The following CA10 variants were observed in gnomAD, a reference collection of about 807,000 sequenced individuals.
The protein encoded by CA10 is carbonic anhydrase-related protein 10.
In CA10, 14 loss-of-function variants were observed where a neutral mutation model predicts 44.2. The ratio of observed to expected loss-of-function variants is 0.32; its 90% CI spans 0.21 to 0.50. The LOEUF is 0.50. Among genes scored for constraint, CA10 ranks in the 20% least tolerant of loss-of-function variants. CA10 has a pLI of 0.99. For missense variants in CA10, 350 were observed against 409.7 expected (o/e 0.85, Z 1.26); for synonymous variants, 159 against 141.6 (o/e 1.12, Z -0.87).
At chr17:51,950,211 G>A (rs1246959366) in intron 2 of CA10, among the ~76,000 whole-genome samples, 1 of 152,096 alleles carries the variant, frequency 6.6e-6, no homozygotes, top group Non-Finnish European at 1.5e-5. Flanking sequence ...CTGCTCAAAG[G>A]TCAATCTCAG....
chr17:52,113,273 GA>G (rs1439792854), intron 1 of CA10, among the ~76,000 whole-genome samples: 3 of 152,128 alleles, frequency 2.0e-5, no homozygotes, highest in African/African-American at 7.2e-5. Flanking sequence ...GTAGAATTTT[GA>G]AAAACCCACC....
intron 3 of CA10, among the ~76,000 whole-genome samples, chr17:51,927,709 A>T (rs1166020915): frequency 6.6e-6 from 1 of 152,190 alleles, no homozygotes; most frequent in Non-Finnish European, 1.5e-5. Context: ...GAAATTTTAC[A>T]AGTTCAATGG....
At chr17:51,730,680 C>A (rs933294766) in intron 4 of CA10, among the ~76,000 whole-genome samples, 3 of 152,146 alleles carry the variant, frequency 2.0e-5, no homozygotes, top group Non-Finnish European at 4.4e-5. Flanking sequence ...TGTAACTAAA[C>A]TTTTAATTAA....
intron 3 of CA10, among the ~76,000 whole-genome samples, chr17:51,883,402 G>A (rs568072732): frequency 2.0e-5 from 3 of 152,122 alleles, no homozygotes; most frequent in African/African-American, 7.2e-5. Flanking sequence ...TACATTAAAA[G>A]TCCTCAAGAG....
intron 2 of CA10, among the ~76,000 whole-genome samples, chr17:51,948,410 C>G (rs1418277994): frequency 6.6e-6 from 1 of 152,162 alleles, no homozygotes; most frequent in African/African-American, 2.4e-5. Context: ...CTCCCATATT[C>G]CTAGAACAAG....
intron 4 of CA10, among the ~76,000 whole-genome samples, chr17:51,713,303 T>C (rs954320837): frequency 1.3e-5 from 2 of 152,204 alleles, no homozygotes; most frequent in Admixed American, 6.5e-5. Context: ...AGCCTATAAT[T>C]GGCCATTTCT....
At chr17:52,060,226 T>C (rs566587253) in intron 2 of CA10, among the ~76,000 whole-genome samples, 2 of 152,126 alleles carry the variant, frequency 1.3e-5, no homozygotes, top group African/African-American at 4.8e-5. Flanking sequence ...AATTCAGGAA[T>C]TTTATACAAA....
chr17:51,702,588 C>T (rs1385863633), intron 4 of CA10, among the ~76,000 whole-genome samples: 2 of 152,220 alleles, frequency 1.3e-5, no homozygotes, highest in African/African-American at 4.8e-5. Flanking sequence ...CCCCAGACTC[C>T]CTCTCCGCCT....
chr17:52,142,751 T>C (rs957049792), intron 1 of CA10, among the ~76,000 whole-genome samples: 2 of 152,144 alleles, frequency 1.3e-5, no homozygotes, highest in African/African-American at 4.8e-5. Context: ...GCACCGCTCA[T>C]ATTCCTCACA....
chr17:52,047,566 GAA>G (rs946158351), intron 2 of CA10, among the ~76,000 whole-genome samples: 55 of 151,898 alleles, frequency 3.6e-4, no homozygotes, highest in African/African-American at 1.3e-3. Context: ...TCAATTTTAA[GAA>G]AAGTTTCACA....
rs114024874 is a variant in CA10, at chr17:51,925,959, G to T, written c.279+5031C>A. Among the ~76,000 whole-genome samples the T allele has an allele frequency of 7.2e-3, 1,093 of 152,222 alleles. 10 individuals are homozygous for T. Among genetic ancestry groups the T allele is most frequent in the African/African-American group, 0.025 (1,034 of 41,546 alleles). Reference sequence around the variant, plus strand: ...GGGGGATGGAAAATGGGGAGTTCTTGTTTACTGGGTACAGAGTTTCAAGTT... The same window carrying T: ...GGGGGATGGAAAATGGGGAGTTCTTTTTTACTGGGTACAGAGTTTCAAGTT... On this transcript the variant is annotated intron_variant, in intron 3 of 8. Coordinates refer to ENST00000451037, the MANE Select transcript of CA10 (RefSeq NM_020178.5).
intron 3 of CA10, among the ~76,000 whole-genome samples, chr17:51,774,621 T>G (rs1218508001): frequency 6.6e-6 from 1 of 152,114 alleles, no homozygotes; most frequent in Middle Eastern, 3.4e-3. Flanking sequence ...TTTTTGTATT[T>G]TTAGTAGAGA....
rs1372854038 is a variant in CA10 at position 51,747,737 on chromosome 17, G to T, written c.361C>A (p.Pro121Thr). Residue 121 changes from proline (P) to threonine (T), a missense_variant, in exon 4 of 9, where the codon CCC becomes ACC. Pro to Thr is a conservative substitution (Grantham distance 38). Coordinates refer to ENST00000451037, the MANE Select transcript of CA10 (RefSeq NM_020178.5). ...KEHLVNISGGPMTYSHRLEEI... is the reference protein window; with the variant it reads ...KEHLVNISGGTMTYSHRLEEI... ...TCCAGCCGGTGGCTGTATGTCATGG[G>T]CCCTCCAGATATGTTGACCAAGTGC... 2.5e-6 allele frequency: 4 copies of T among 1,614,146 alleles called. No homozygotes were observed. In the South Asian group the frequency reaches 4.4e-5, roughly 18 times the overall value.
At chr17:51,773,585 A>C (rs1385966751) in intron 3 of CA10, among the ~76,000 whole-genome samples, 4 of 152,240 alleles carry the variant, frequency 2.6e-5, no homozygotes, top group African/African-American at 9.6e-5. Flanking sequence ...CCTTATAATC[A>C]GTGTGACCAC....
chr17:51,740,852 C>T (rs2143587230), intron 4 of CA10, among the ~76,000 whole-genome samples: 1 of 152,310 alleles, frequency 6.6e-6, no homozygotes, highest in South Asian at 2.1e-4. Context: ...GAGGCCTATA[C>T]TGGCCACACT....
At chr17:51,741,827 A>G (rs1339286024) in intron 4 of CA10, among the ~76,000 whole-genome samples, 4 of 152,214 alleles carry the variant, frequency 2.6e-5, no homozygotes, top group African/African-American at 9.7e-5. Context: ...ATCAATATAA[A>G]ATTCCCATCA....
intron 1 of CA10, among the ~76,000 whole-genome samples, chr17:52,077,103 A>G (rs1196812841): frequency 6.6e-6 from 1 of 152,214 alleles, no homozygotes; most frequent in Admixed American, 6.5e-5. Context: ...AGAACTGATG[A>G]TTTTCCAAAG....
At chr17:51,648,023 G>C (rs1352982863) in intron 6 of CA10, among the ~76,000 whole-genome samples, 1 of 152,212 alleles carries the variant, frequency 6.6e-6, no homozygotes, top group African/African-American at 2.4e-5. Context: ...TAGGGCTGCT[G>C]TCTGGGCCAT....
At chr17:51,717,789 ATGTATATGTG>A (rs1916194275) in intron 4 of CA10, among the ~76,000 whole-genome samples, 1 of 76,102 alleles carries the variant, frequency 1.3e-5, no homozygotes, top group Non-Finnish European at 2.6e-5. Flanking sequence ...GCATGTATAT[ATGTATATGTG>A]TATATATATA....
Sources: gnomAD v4.1 joint callset for allele counts (sites outside exome capture counted in the v4.1 genomes callset) on GRCh38, gnomAD v4.1.1 for gene constraint, MANE v1.5 for transcripts, NCBI Gene and HGNC (gene_info 2026-07-23, HGNC 2026-07-21) for gene names.